Variants in DNAH14 observed in about 807,000 individuals in gnomAD.
The protein encoded by DNAH14 is axonemal beta dynein heavy chain 14.
Under a neutral mutation model 520.9 loss-of-function variants are expected in DNAH14, and 478 were observed. The observed-to-expected ratio is 0.92, with a 90% CI of 0.85 to 0.99. The LOEUF (loss-of-function observed/expected upper bound fraction) is 0.99, where lower values mean the gene tolerates loss of function less well. Ranked by LOEUF, DNAH14 falls within the 50% of genes least tolerant of loss-of-function variation. DNAH14 has a pLI of 0.00. For missense variants in DNAH14, 4,831 were observed against 5,234.5 expected (o/e 0.92, Z 2.38); for synonymous variants, 1,581 against 1,757.2 (o/e 0.90, Z 2.51).
At chr1:225,178,466 A>T (rs1218082013) in intron 36 of DNAH14, among the ~76,000 whole-genome samples, 1 of 152,090 alleles carries the variant, frequency 6.6e-6, no homozygotes, top group Non-Finnish European at 1.5e-5. Context: ...CCATGGTTCA[A>T]TTGCCTCCTC....
At chr1:224,975,394 C>T (rs1372786111) in intron 8 of DNAH14, among the ~76,000 whole-genome samples, 1 of 148,046 alleles carries the variant, frequency 6.8e-6, no homozygotes, top group African/African-American at 2.5e-5. Context: ...ATTATTGCCA[C>T]AATTTCAGAG....
chr1:225,193,903 A>G (rs887127837), intron 38 of DNAH14, among the ~76,000 whole-genome samples: 1 of 152,132 alleles, frequency 6.6e-6, no homozygotes, highest in South Asian at 2.1e-4. Context: ...ATACACCAAT[A>G]ATGTCCAAGC....
At chr1:225,216,413 CT>C (rs914764649) in intron 41 of DNAH14, among the ~76,000 whole-genome samples, 29 of 152,298 alleles carry the variant, frequency 1.9e-4, no homozygotes, top group Admixed American at 1.8e-3. Flanking sequence ...GTGGCATTCT[CT>C]GTATTTCCTG....
At chr1:224,988,521 G>A (rs1340748857) in intron 8 of DNAH14, among the ~76,000 whole-genome samples, 3 of 152,208 alleles carry the variant, frequency 2.0e-5, no homozygotes, top group Admixed American at 1.3e-4. Context: ...CTGTTGGTGG[G>A]AATGTGAATT....
At chr1:225,346,773 A>G in intron 71 of DNAH14, 119 bp downstream of exon 71, 2 of 660,004 alleles carry the variant, frequency 3.0e-6, no homozygotes, top group Admixed American at 3.3e-5. Context: ...GCTTGAGGTC[A>G]AGCACCTCCA....
rs1397717841 is a variant in DNAH14, at chr1:225,335,609, ATG to A, written c.10081-1653_10081-1652del. Among the ~76,000 whole-genome samples the A allele has an allele frequency of 1.2e-4, 18 of 146,644 alleles. 2 individuals carry two copies. The highest frequency in any genetic ancestry group is 4.2e-4 in the South Asian group (2 of 4,712). ...CATATATGTATATACGCATACGTAT[ATG>A]TGTATATACGCATATATACATATGT... On this transcript the variant is annotated intron_variant, in intron 66 of 85. Transcript: ENST00000682510.
At chr1:225,191,812 A>G (rs933496407) in intron 37 of DNAH14, among the ~76,000 whole-genome samples, 2 of 151,596 alleles carry the variant, frequency 1.3e-5, no homozygotes, top group African/African-American at 4.8e-5. Context: ...TTCTTTTTTT[A>G]TCTGCTTAAA....
At chr1:225,230,897 T>C (rs1043501409) in intron 41 of DNAH14, among the ~76,000 whole-genome samples, 176 bp from the exon 42 acceptor site, 1 of 152,208 alleles carries the variant, frequency 6.6e-6, no homozygotes, top group Admixed American at 6.5e-5. Flanking sequence ...GAACATTCTC[T>C]GCTCCTCTAA....
chr1:224,998,381 G>A (rs957474605), intron 8 of DNAH14, among the ~76,000 whole-genome samples: 8 of 151,898 alleles, frequency 5.3e-5, no homozygotes, highest in South Asian at 2.1e-4. Flanking sequence ...TATTGATTTC[G>A]CAATGCCTCT....
At chr1:225,205,275 C>G (rs2087387225) in intron 39 of DNAH14, among the ~76,000 whole-genome samples, 1 of 152,080 alleles carries the variant, frequency 6.6e-6, no homozygotes, top group Non-Finnish European at 1.5e-5. Context: ...GGGTAGAGCC[C>G]TCATTAATGG....
chr1:225,028,385 T>C (rs1025524930), intron 11 of DNAH14, among the ~76,000 whole-genome samples: 1 of 152,090 alleles, frequency 6.6e-6, no homozygotes, highest in Non-Finnish European at 1.5e-5. Flanking sequence ...ATTTTGTCCA[T>C]TTTATCTAAC....
At chr1:224,996,036 C>T (rs1187041147) in intron 8 of DNAH14, among the ~76,000 whole-genome samples, 3 of 152,120 alleles carry the variant, frequency 2.0e-5, no homozygotes, top group Non-Finnish European at 4.4e-5. Flanking sequence ...TAGGTTTCCA[C>T]TTCTTTAGGG....
chr1:225,335,961 A>ATACCTATATG (rs2095028294), intron 66 of DNAH14, among the ~76,000 whole-genome samples: 2 of 145,954 alleles, frequency 1.4e-5, no homozygotes, highest in African/African-American at 5.0e-5. Flanking sequence ...ATATACACAT[A>ATACCTATATG]TACATATATG....
intron 34 of DNAH14, among the ~76,000 whole-genome samples, chr1:225,157,894 C>T (rs2081190218): frequency 6.6e-6 from 1 of 152,146 alleles, no homozygotes; most frequent in African/African-American, 2.4e-5. Flanking sequence ...CCCGCTATAA[C>T]TCTCCCATTG....
intron 35 of DNAH14, among the ~76,000 whole-genome samples, chr1:225,161,551 G>A (rs2081523386): frequency 6.6e-6 from 1 of 152,162 alleles, no homozygotes; most frequent in Non-Finnish European, 1.5e-5. Context: ...GGATAATATG[G>A]TAGCTCTGTT....
At chr1:225,378,898 GA>G (rs1218063257) in intron 79 of DNAH14, among the ~76,000 whole-genome samples, 7 of 145,504 alleles carry the variant, frequency 4.8e-5, no homozygotes, top group East Asian at 2.0e-4. Flanking sequence ...AAAAAGAAAA[GA>G]AAAAGAAAAA....
intron 42 of DNAH14, among the ~76,000 whole-genome samples, chr1:225,236,196 G>T (rs1236872418): frequency 6.6e-6 from 1 of 152,048 alleles, no homozygotes. Context: ...CACCACTTTA[G>T]CTGCATCCCA....
intron 3 of DNAH14, among the ~76,000 whole-genome samples, chr1:224,956,426 T>C (rs1236442826): frequency 6.6e-6 from 1 of 152,134 alleles, no homozygotes; most frequent in African/African-American, 2.4e-5. Flanking sequence ...GATACACAAA[T>C]ACATACTATA....
intron 66 of DNAH14, among the ~76,000 whole-genome samples, chr1:225,334,483 G>C (rs1054438599): frequency 2.0e-5 from 3 of 151,326 alleles, no homozygotes; most frequent in African/African-American, 4.9e-5. Flanking sequence ...GCTACTGAGA[G>C]AAGACCCTGT....
Sources: allele counts gnomAD v4.1 joint callset (sites outside exome capture counted in the v4.1 genomes callset), GRCh38; gene constraint gnomAD v4.1.1; transcripts MANE v1.5; gene names NCBI Gene and HGNC (gene_info 2026-07-23, HGNC 2026-07-21).